Variants in NUDCD1 observed in about 807,000 individuals in gnomAD.
NUDCD1 encodes the protein NudC domain containing 1, also known as nudC domain-containing protein 1.
In NUDCD1, 60 loss-of-function variants were observed where a neutral mutation model predicts 67.8. The observed-to-expected ratio is 0.88, with a 90% CI of 0.72 to 1.10. NUDCD1 has a LOEUF of 1.10. NUDCD1 is among the 50% of genes least tolerant of loss of function. The probability of loss-of-function intolerance (pLI) is 0.00; values close to 1 mark genes in which losing one functional copy is unlikely to be tolerated. For synonymous variants in NUDCD1, 244 were observed against 230.8 expected (o/e 1.06, Z -0.52); for missense variants, 643 against 695.0 (o/e 0.93, Z 0.84).
At chr8:109,255,740 G>C (rs1227235222) in intron 8 of NUDCD1, among the ~76,000 whole-genome samples, 2 of 151,292 alleles carry the variant, frequency 1.3e-5, no homozygotes, top group African/African-American at 4.9e-5. Flanking sequence ...TTTTAATAGG[G>C]GACAAAAGAC....
At chr8:109,297,959 C>T (rs1041862293) in intron 2 of NUDCD1, among the ~76,000 whole-genome samples, 12 of 152,108 alleles carry the variant, frequency 7.9e-5, no homozygotes, top group African/African-American at 2.2e-4. Flanking sequence ...TCTATATATG[C>T]TATAATATTT....
chr8:109,313,496 C>T (rs182319701), intron 2 of NUDCD1, among the ~76,000 whole-genome samples: 6 of 152,048 alleles, frequency 3.9e-5, no homozygotes, highest in South Asian at 2.1e-4. Context: ...GTGTAGTGGT[C>T]GGGGAGATCA....
At chr8:109,331,216 T>C (rs1482585915) in intron 1 of NUDCD1, among the ~76,000 whole-genome samples, 1 of 151,988 alleles carries the variant, frequency 6.6e-6, no homozygotes, top group Non-Finnish European at 1.5e-5. Flanking sequence ...GCACTTGTAA[T>C]CCCAGCTACT....
In NUDCD1 at chr8:109,275,344, C is replaced by A. The variant is rs766616742; in HGVS notation, c.1173+8G>T. 1 of 1,611,602 alleles carries A rather than the reference C, an allele frequency of 6.2e-7. No individual in the cohort carries two copies. Among genetic ancestry groups the A allele is most frequent in the Non-Finnish European group, 8.5e-7 (1 of 1,178,812 alleles). On this transcript the variant is annotated splice_region_variant and intron_variant, in intron 7 of 9. Transcript: ENST00000239690. ...TTGGAAAGTCACACTACTATTCCAA[C>A]TACTTACCAGTTCTTCAGAGGTCAA...
intron 5 of NUDCD1, among the ~76,000 whole-genome samples, chr8:109,282,492 TA>T (rs1814469846): frequency 1.3e-5 from 2 of 151,362 alleles, no homozygotes; most frequent in African/African-American, 4.9e-5. Flanking sequence ...CAAACAAAAA[TA>T]ATATTATAAG....
chr8:109,269,638 A>G (rs1043771994), intron 8 of NUDCD1, among the ~76,000 whole-genome samples: 2 of 152,086 alleles, frequency 1.3e-5, no homozygotes, highest in Admixed American at 1.3e-4. Context: ...CTTGGCAGAC[A>G]TTTTTCAGGT....
chr8:109,284,441 T>G (rs1449004515), intron 5 of NUDCD1, among the ~76,000 whole-genome samples: 1 of 152,080 alleles, frequency 6.6e-6, no homozygotes, highest in South Asian at 2.1e-4. Context: ...AACAGACATC[T>G]ACAGAATACC....
chr8:109,296,282 G>A lies in NUDCD1; in HGVS notation c.459+102C>T, dbSNP rs991023898. 4 of 885,050 alleles carry A rather than the reference G, an allele frequency of 4.5e-6. No individual in the cohort carries two copies. The African/African-American group carries it at 5.1e-5, about 11-fold the overall frequency. 54.8% of individuals were successfully genotyped at this position (885,050 alleles called of 1,614,324 possible). On this transcript the variant is annotated intron_variant, in intron 3 of 9. Coordinates refer to ENST00000239690, the MANE Select transcript of NUDCD1 (RefSeq NM_032869.4). ...AACATTATATATCAAACAAACAACA[G>A]ATCACATGTAAACCATCCTTGAAAA...
chr8:109,301,772 A>C (rs573419769), intron 2 of NUDCD1, among the ~76,000 whole-genome samples: 6 of 152,292 alleles, frequency 3.9e-5, no homozygotes, highest in Non-Finnish European at 8.8e-5. Flanking sequence ...AAAGAGACAC[A>C]TTTTATCCAT....
At chr8:109,313,085 C>G (rs1815294320) in intron 2 of NUDCD1, among the ~76,000 whole-genome samples, 1 of 152,166 alleles carries the variant, frequency 6.6e-6, no homozygotes, top group African/African-American at 2.4e-5. Context: ...TTAACCCTTC[C>G]TCCAAAATCA....
chr8:109,282,686 G>T (rs2980610), intron 5 of NUDCD1, among the ~76,000 whole-genome samples: 2 of 142,284 alleles, frequency 1.4e-5, no homozygotes, highest in Admixed American at 7.3e-5. Flanking sequence ...TTGTCGGGGG[G>T]TGGGGGGCTA....
In NUDCD1 at chr8:109,277,054, C is replaced by T. The variant is rs1305238414; in HGVS notation, c.1029-1558G>A. ...TAATAATGACCATAGCTTATACTTA[C>T]CTATATGTCAGGTGCTGTCTTAAGC... On this transcript the variant is annotated intron_variant, in intron 6 of 9. Coordinates refer to ENST00000239690, the MANE Select transcript of NUDCD1 (RefSeq NM_032869.4). Among the ~76,000 whole-genome samples the T allele has an allele frequency of 7.2e-5, 11 of 152,232 alleles. 1 individual carries two copies. In the South Asian group the frequency reaches 1.9e-3, roughly 26 times the overall value.
At chr8:109,326,536 T>C (rs1391480563) in intron 1 of NUDCD1, among the ~76,000 whole-genome samples, 1 of 151,656 alleles carries the variant, frequency 6.6e-6, no homozygotes. Flanking sequence ...TTTGTAAGGG[T>C]TGAAGAAGAA....
intron 6 of NUDCD1, among the ~76,000 whole-genome samples, chr8:109,278,499 C>T (rs564571028): frequency 6.6e-6 from 1 of 152,198 alleles, no homozygotes; most frequent in Admixed American, 6.5e-5. Flanking sequence ...ACCTTTGTAA[C>T]CCAATGAGGA....
intron 1 of NUDCD1, among the ~76,000 whole-genome samples, chr8:109,328,172 C>G (rs1815720763): frequency 1.3e-5 from 2 of 152,156 alleles, no homozygotes; most frequent in Admixed American, 1.3e-4. Context: ...CACCACCAAT[C>G]TAGTTTACTG....
chr8:109,311,557 G>GTATATATATATATATATATA lies in NUDCD1; in HGVS notation c.273+10751_273+10752insTATATATATATATATATATA, dbSNP rs569380890. 1.4e-3 allele frequency among the ~76,000 whole-genome samples: 85 copies of GTATATATATATATATATATA among 62,710 alleles called. 2 individuals carry two copies. The highest frequency in any genetic ancestry group is 2.7e-3 in the Admixed American group (18 of 6,570). The allele number at this position is 62,710 out of a possible 152,430, so 41.1% of individuals were successfully genotyped here. Reference sequence around the variant, plus strand: ...TCAATGAGTGGATAAAGAAACTGTGGTGTATATATATATATGATGGGATAC... The same window carrying GTATATATATATATATATATA: ...TCAATGAGTGGATAAAGAAACTGTGGTATATATATATATATATATATGTATATATATATATGATGGGATAC... On this transcript the variant is annotated intron_variant, in intron 2 of 9. Coordinates refer to ENST00000239690, the MANE Select transcript of NUDCD1 (RefSeq NM_032869.4).
chr8:109,306,487 TA>T (rs569004518), intron 2 of NUDCD1, among the ~76,000 whole-genome samples: 5 of 150,294 alleles, frequency 3.3e-5, no homozygotes, highest in Middle Eastern at 3.4e-3. Flanking sequence ...TACTCACTGC[TA>T]AAAAAAAAGT....
chr8:109,319,356 T>A (rs563608562), intron 2 of NUDCD1, among the ~76,000 whole-genome samples: 1 of 152,138 alleles, frequency 6.6e-6, no homozygotes, highest in Non-Finnish European at 1.5e-5. Context: ...GATTTCACAC[T>A]ACAACAGCAA....
intron 2 of NUDCD1, among the ~76,000 whole-genome samples, chr8:109,307,494 A>G (rs1815137062): frequency 6.6e-6 from 1 of 152,252 alleles, no homozygotes; most frequent in Non-Finnish European, 1.5e-5. Context: ...GGAGCTCTAC[A>G]TCTTGAAACA....
Sources: allele counts gnomAD v4.1 joint callset (sites outside exome capture counted in the v4.1 genomes callset), GRCh38; gene constraint gnomAD v4.1.1; transcripts MANE v1.5; gene names NCBI Gene and HGNC (gene_info 2026-07-23, HGNC 2026-07-21).